Variants in CSMD1 observed in about 807,000 individuals in gnomAD.
CSMD1 encodes the protein CUB and Sushi multiple domains 1.
In CSMD1, 213 loss-of-function variants were observed where a neutral mutation model predicts 417.5. The ratio of observed to expected loss-of-function variants is 0.51; its 90% CI spans 0.46 to 0.57. The LOEUF is 0.57. CSMD1 is among the 20% of genes least tolerant of loss of function. The pLI is 0.00. For synonymous variants in CSMD1, 2,862 were observed against 1,736.8 expected (o/e 1.65, Z -16.11); for missense variants, 6,923 against 4,529.7 (o/e 1.53, Z -15.17).
intron 49 of CSMD1, among the ~76,000 whole-genome samples, chr8:3,055,067 G>A (rs925622392): frequency 1.3e-5 from 2 of 152,122 alleles, no homozygotes; most frequent in African/African-American, 2.4e-5. Context: ...TGGAATGTGC[G>A]CAGTGTTCAG....
chr8:4,977,568 G>A (rs972112264), intron 1 of CSMD1, among the ~76,000 whole-genome samples: 14 of 152,176 alleles, frequency 9.2e-5, no homozygotes, highest in Non-Finnish European at 1.5e-5. Flanking sequence ...GCTGGCTCCA[G>A]CCCGCCTTTG....
intron 26 of CSMD1, among the ~76,000 whole-genome samples, chr8:3,265,033 G>GA (rs1801333060): frequency 6.6e-6 from 1 of 152,110 alleles, no homozygotes; most frequent in African/African-American, 2.4e-5. Context: ...AATTATATGG[G>GA]AAAAGCATCT....
Position 3,900,745 on chromosome 8 carries a change from C to T in CSMD1, c.818+97158G>A, listed in dbSNP as rs948013485. ...GGGTGACACTATAGCTAGCTGCCAC[C>T]GCAACTGGGTGACAGTACAGCTGGG... On this transcript the variant is annotated intron_variant, in intron 5 of 69. Coordinates refer to ENST00000635120, the MANE Select transcript of CSMD1 (RefSeq NM_033225.6). Among the ~76,000 whole-genome samples, 14 of 148,244 alleles carry T rather than the reference C, an allele frequency of 9.4e-5. No homozygotes were observed. In the East Asian group the frequency reaches 1.0e-3, roughly 11 times the overall value.
At chr8:3,929,679 T>A (rs867281438) in intron 5 of CSMD1, among the ~76,000 whole-genome samples, 1 of 143,312 alleles carries the variant, frequency 7.0e-6, no homozygotes, top group Middle Eastern at 3.2e-3. Flanking sequence ...TTTTTTTTTT[T>A]GAGATGGAGT....
At chr8:4,031,780 G>C (rs751264001) in intron 4 of CSMD1, 125 bp downstream of exon 4, 6 of 641,986 alleles carry the variant, frequency 9.3e-6, no homozygotes, top group Admixed American at 3.5e-5. Context: ...AGCAGAATGA[G>C]CTGACATTGT....
intron 5 of CSMD1, among the ~76,000 whole-genome samples, chr8:3,864,922 G>A (rs1236049261): frequency 6.6e-6 from 1 of 152,150 alleles, no homozygotes; most frequent in Admixed American, 6.5e-5. Flanking sequence ...GCTCTACGTG[G>A]TCTCGGACTT....
At chr8:4,115,276 A>T (rs1230420815) in intron 3 of CSMD1, among the ~76,000 whole-genome samples, 1 of 152,256 alleles carries the variant, frequency 6.6e-6, no homozygotes, top group Non-Finnish European at 1.5e-5. Flanking sequence ...CTGAACGCTT[A>T]GATAATTTTT....
chr8:4,368,297 A>G (rs1394453232), intron 3 of CSMD1, among the ~76,000 whole-genome samples: 2 of 152,148 alleles, frequency 1.3e-5, no homozygotes, highest in African/African-American at 2.4e-5. Flanking sequence ...ATTTATTGAT[A>G]TGTGTATGTT....
intron 5 of CSMD1, among the ~76,000 whole-genome samples, chr8:3,860,741 T>C (rs1477487696): frequency 1.3e-5 from 2 of 152,158 alleles, no homozygotes; most frequent in African/African-American, 4.8e-5. Flanking sequence ...AGTCCACATT[T>C]TGAACCCAGG....
intron 3 of CSMD1, among the ~76,000 whole-genome samples, chr8:4,134,219 T>C (rs187795948): frequency 8.5e-5 from 13 of 152,318 alleles, no homozygotes; most frequent in Admixed American, 3.9e-4. Context: ...ACACGCTGAA[T>C]TGTGTCTCCC....
intron 1 of CSMD1, among the ~76,000 whole-genome samples, chr8:4,943,330 C>A (rs766165645): frequency 2.6e-5 from 4 of 151,790 alleles, no homozygotes; most frequent in Non-Finnish European, 5.9e-5. Flanking sequence ...CCCGTCTCTA[C>A]TAAAATATAC....
intron 48 of CSMD1, among the ~76,000 whole-genome samples, chr8:3,089,203 C>T (rs569474421): frequency 2.6e-5 from 4 of 152,224 alleles, no homozygotes; most frequent in South Asian, 2.1e-4. Flanking sequence ...GGTGCAGCCT[C>T]GGAAAAGCTG....
chr8:3,421,836 C>G (rs571453706), intron 12 of CSMD1, among the ~76,000 whole-genome samples: 52 of 152,128 alleles, frequency 3.4e-4, no homozygotes, highest in African/African-American at 1.2e-3. Flanking sequence ...CAGGGTTTCA[C>G]CATATTGGTC....
chr8:4,273,280 A>C (rs1804716182), intron 3 of CSMD1, among the ~76,000 whole-genome samples: 1 of 152,174 alleles, frequency 6.6e-6, no homozygotes, highest in Non-Finnish European at 1.5e-5. Context: ...TCACAAATGA[A>C]TGTGAGTATA....
chr8:3,303,516 T>C (rs1407921253), intron 25 of CSMD1, among the ~76,000 whole-genome samples: 1 of 152,210 alleles, frequency 6.6e-6, no homozygotes, highest in African/African-American at 2.4e-5. Context: ...CTGTGCGAGC[T>C]TATTAAAAAT....
chr8:4,577,714 C>G (rs1291667919), intron 2 of CSMD1, among the ~76,000 whole-genome samples: 1 of 152,152 alleles, frequency 6.6e-6, no homozygotes, highest in Non-Finnish European at 1.5e-5. Context: ...GCCCTTGCAC[C>G]CTAACACAGT....
chr8:3,535,402 C>T (rs1798154697), intron 10 of CSMD1, among the ~76,000 whole-genome samples: 1 of 152,134 alleles, frequency 6.6e-6, no homozygotes, highest in Non-Finnish European at 1.5e-5. Context: ...ACCCTGACAC[C>T]TGCAGCCTGA....
intron 37 of CSMD1, among the ~76,000 whole-genome samples, chr8:3,180,160 T>G (rs564281435): frequency 6.6e-6 from 1 of 152,222 alleles, no homozygotes; most frequent in African/African-American, 2.4e-5. Flanking sequence ...CTTACTCTCA[T>G]TGGAAATTCT....
At chr8:3,031,708 A>G (rs1346744434) in intron 50 of CSMD1, among the ~76,000 whole-genome samples, 3 of 151,910 alleles carry the variant, frequency 2.0e-5, no homozygotes, top group African/African-American at 7.2e-5. Context: ...AAAAATTCCA[A>G]TTTGGTTCAC....
Sources: allele counts gnomAD v4.1 joint callset (sites outside exome capture counted in the v4.1 genomes callset), GRCh38; gene constraint gnomAD v4.1.1; transcripts MANE v1.5; gene names NCBI Gene and HGNC (gene_info 2026-07-23, HGNC 2026-07-21).